Variants in ASB4 observed in about 807,000 individuals in gnomAD.
The protein encoded by ASB4 is ankyrin repeat and SOCS box containing 4.
A neutral mutation model predicts 38.6 loss-of-function variants in ASB4; 35 were observed. That is an observed-to-expected ratio of 0.91 (90% CI 0.69 to 1.20). ASB4 has a LOEUF of 1.20. Among genes scored for constraint, ASB4 ranks in the 50% most tolerant of loss-of-function variants. ASB4 has a pLI of 0.00. For synonymous variants in ASB4, 195 were observed against 201.3 expected, an observed-to-expected ratio of 0.97 and a Z score of 0.26; for missense variants, 557 against 527.2, an observed-to-expected ratio of 1.06 and a Z score of -0.55.
At chr7:95,550,660 C>T in the ASB4 span, among the ~76,000 whole-genome samples, 14 of 152,204 alleles carry the variant, frequency 9.2e-5, no homozygotes, top group Admixed American at 3.3e-4. Context: ...TTTTGCATCT[C>T]AGAGACTCAG....
At chr7:95,492,613 A>G (rs1790188340) in intron 1 of ASB4, among the ~76,000 whole-genome samples, 1 of 152,204 alleles carries the variant, frequency 6.6e-6, no homozygotes, top group Admixed American at 6.5e-5. Context: ...TTGATTTTAC[A>G]TCAAAATGGT....
chr7:95,476,677 C>T (rs1789980627), upstream of ASB4, among the ~76,000 whole-genome samples: 1 of 152,198 alleles, frequency 6.6e-6, no homozygotes, highest in Non-Finnish European at 1.5e-5. Flanking sequence ...GGAAATCACA[C>T]TCTGGTCTTA....
downstream of ASB4, among the ~76,000 whole-genome samples, chr7:95,541,077 G>C (rs1790963814): frequency 6.6e-6 from 1 of 152,158 alleles, no homozygotes; most frequent in Admixed American, 6.5e-5. Flanking sequence ...AGGAATTCCT[G>C]TTACTTTCTT....
chr7:95,489,436 C>T (rs1220848967), intron 1 of ASB4, among the ~76,000 whole-genome samples: 1 of 152,192 alleles, frequency 6.6e-6, no homozygotes, highest in Non-Finnish European at 1.5e-5. Context: ...TGTCTTTCTC[C>T]AGCACCTAAT....
At chr7:95,489,154 CAAAT>C (rs1234206966) in intron 1 of ASB4, among the ~76,000 whole-genome samples, 1 of 152,170 alleles carries the variant, frequency 6.6e-6, no homozygotes, top group South Asian at 2.1e-4. Context: ...ACTCTGCTGG[CAAAT>C]AAATCACCTA....
Position 95,537,678 on chromosome 7 carries a change from C to A in ASB4, c.1200C>A (p.Cys400Ter), listed in dbSNP as rs368628140. The A allele has an allele frequency of 6.2e-7, 1 of 1,613,714 alleles. No homozygotes were observed. The highest frequency in any genetic ancestry group is 1.1e-5 in the South Asian group (1 of 91,058). The change falls in exon 5 of 5, where the codon TGC becomes TGA. Residue 400 changes from cysteine to a stop codon, truncating the protein, a stop_gained. Transcript: ENST00000325885. LOFTEE classifies it high-confidence loss of function. ...TTAGAAGAACATTACACAACAGATG[C>A]CATAGAGCAATTCCTTTGCTTTCCC... Reference protein sequence around the residue: ...CAIRRTLHNRCHRAIPLLSLP... With the variant: ...CAIRRTLHNR
At position 95,523,584 on chromosome 7, in the gene ASB4, CAG is replaced by C. The variant is rs1330910968; in HGVS notation, c.488-4221_488-4220del. ...GTGAGGTAATTAGTCTTATGCATCA[CAG>C]AGAGAGATAAAAATATAACTTTTGG... On this transcript the variant is annotated intron_variant, in intron 2 of 4. Coordinates refer to ENST00000325885, the MANE Select transcript of ASB4 (RefSeq NM_016116.3). 4.6e-5 allele frequency among the ~76,000 whole-genome samples: 7 copies of C among 152,118 alleles called. 1 individual carries two copies. The South Asian group carries it at 1.2e-3, about 27-fold the overall frequency.
chr7:95,499,281 A>G (rs939541721), intron 2 of ASB4, among the ~76,000 whole-genome samples: 2 of 152,242 alleles, frequency 1.3e-5, no homozygotes, highest in African/African-American at 4.8e-5. Context: ...TAAAGAGTAT[A>G]TATAGAGAAA....
intron 3 of ASB4, 26 bp from the exon 4 acceptor site, chr7:95,536,411 G>A: frequency 6.9e-6 from 10 of 1,446,772 alleles, no homozygotes; most frequent in Non-Finnish European, 9.7e-6. Flanking sequence ...GCATCAAACA[G>A]ATGAAACTCT....
At chr7:95,476,397 TA>T (rs199960620), upstream of ASB4, among the ~76,000 whole-genome samples, 7 of 151,790 alleles carry the variant, frequency 4.6e-5, no homozygotes, top group East Asian at 1.9e-4. Flanking sequence ...TTTTTATATT[TA>T]AAAAAAAATT....
downstream of ASB4, among the ~76,000 whole-genome samples, chr7:95,540,604 G>T (rs1030941167): frequency 2.6e-5 from 4 of 152,226 alleles, no homozygotes; most frequent in African/African-American, 9.6e-5. Context: ...TCCTCATGAC[G>T]CCTTTGTTAC....
chr7:95,524,498 T>C (rs1790709393), intron 2 of ASB4, among the ~76,000 whole-genome samples: 1 of 151,570 alleles, frequency 6.6e-6, no homozygotes, highest in African/African-American at 2.4e-5. Flanking sequence ...TTACAATAAT[T>C]AAAAAAAACT....
downstream of ASB4, chr7:95,543,761 T>A (rs1790999390): frequency 6.6e-6 from 1 of 152,202 alleles, no homozygotes; most frequent in Non-Finnish European, 1.5e-5. Flanking sequence ...GAGCAGAGGA[T>A]GAGGTTGGAA....
intron 1 of ASB4, among the ~76,000 whole-genome samples, chr7:95,490,398 C>A (rs1477308827): frequency 2.6e-5 from 4 of 152,170 alleles, no homozygotes; most frequent in Admixed American, 2.6e-4. Context: ...TTTTATCCCC[C>A]CTTCCCAGGG....
chr7:95,483,055 G>A (rs937057962), upstream of ASB4, among the ~76,000 whole-genome samples: 3 of 152,138 alleles, frequency 2.0e-5, no homozygotes, highest in East Asian at 1.9e-4. Flanking sequence ...CTTGTCAGCC[G>A]ACGGGCTGCA....
intron 2 of ASB4, among the ~76,000 whole-genome samples, chr7:95,520,812 A>T (rs1279755691): frequency 9.2e-5 from 14 of 152,010 alleles, no homozygotes; most frequent in Admixed American, 9.2e-4. Context: ...GTTCTATTTC[A>T]TTGGTCCAGT....
At chr7:95,515,260 T>C (rs1336267641) in intron 2 of ASB4, among the ~76,000 whole-genome samples, 7 of 137,346 alleles carry the variant, frequency 5.1e-5, no homozygotes, top group African/African-American at 1.9e-4. Flanking sequence ...TCCTTCTTTC[T>C]TTCTTTCTCT....
intron 3 of ASB4, among the ~76,000 whole-genome samples, chr7:95,530,618 G>A (rs1282272547): frequency 6.6e-6 from 1 of 152,120 alleles, no homozygotes; most frequent in Admixed American, 6.5e-5. Context: ...AGCCTCAGTG[G>A]CTGAAGTGGA....
chr7:95,503,332 G>A (rs1790366191), intron 2 of ASB4, among the ~76,000 whole-genome samples: 1 of 152,188 alleles, frequency 6.6e-6, no homozygotes, highest in Non-Finnish European at 1.5e-5. Context: ...TTCTAACCTG[G>A]AAACTAAAAG....
Sources: gnomAD v4.1 joint callset for allele counts (sites outside exome capture counted in the v4.1 genomes callset) on GRCh38, gnomAD v4.1.1 for gene constraint, MANE v1.5 for transcripts, NCBI Gene and HGNC (gene_info 2026-07-23, HGNC 2026-07-21) for gene names.